Variants in PDK1 observed in about 807,000 individuals in gnomAD.
PDK1 encodes pyruvate dehydrogenase kinase 1.
PDK1 carries 39 observed loss-of-function variants against 54.2 expected under a neutral mutation model. The observed-to-expected ratio is 0.72, with a 90% CI of 0.56 to 0.94. PDK1 has a LOEUF of 0.94. PDK1 is among the 40% of genes least tolerant of loss of function. PDK1 has a pLI of 0.00. For missense variants in PDK1, 552 were observed against 566.0 expected (o/e 0.98, Z 0.25); for synonymous variants, 221 against 207.1 (o/e 1.07, Z -0.58).
At chr2:172,620,710 C>T in the PDK1 span, among the ~76,000 whole-genome samples, 6 of 152,210 alleles carry the variant, frequency 3.9e-5, no homozygotes, top group South Asian at 2.1e-4. Flanking sequence ...CGCAAGATCT[C>T]GTCATTTAAA....
At chr2:172,622,780 C>A in the PDK1 span, among the ~76,000 whole-genome samples, 16 of 144,422 alleles carry the variant, frequency 1.1e-4, no homozygotes, top group African/African-American at 3.4e-4. Context: ...ATGTTTATAT[C>A]TCATATGTGA....
In PDK1 at chr2:172,587,501, G is replaced by A. The variant is rs149033998; in HGVS notation, c.1056+1113G>A. Among the ~76,000 whole-genome samples, 493 of 152,240 alleles carry A rather than the reference G, an allele frequency of 3.2e-3. 3 individuals are homozygous for A. Among genetic ancestry groups the A allele is most frequent in the African/African-American group, 0.011 (454 of 41,516 alleles). On this transcript the variant is annotated intron_variant, in intron 9 of 10. Transcript: ENST00000282077. The stretch of plus-strand genomic sequence containing the variant: ...TTCTTCTGGGTGGGTTCGTGGTCTC[G>A]GTGGCTTCAGGAGTGAAGCTGCAGA...
At chr2:172,615,069 G>C in the PDK1 span, among the ~76,000 whole-genome samples, 47,583 of 151,930 alleles carry the variant, frequency 0.31, 8,492 homozygotes, top group African/African-American at 0.5. Context: ...GCTCCTGTGT[G>C]GGTGGAGTGG....
At chr2:172,610,373 A>G (rs2149330049), downstream of PDK1, among the ~76,000 whole-genome samples, 1 of 152,180 alleles carries the variant, frequency 6.6e-6, no homozygotes. Context: ...AGCTCTGAGC[A>G]TGGGCACACC....
chr2:172,649,442 T>C, the PDK1 span, among the ~76,000 whole-genome samples: 286 of 152,228 alleles, frequency 1.9e-3, 2 homozygotes, highest in Non-Finnish European at 3.3e-3. Context: ...CAAAAGAACA[T>C]AGCTTCTCAC....
chr2:172,674,567 C>CGAG, the PDK1 span: 1 of 152,328 alleles, frequency 6.6e-6, no homozygotes, highest in East Asian at 1.9e-4. Flanking sequence ...CAATTGTGTC[C>CGAG]GCCTCCTCCT....
the PDK1 span, among the ~76,000 whole-genome samples, chr2:172,703,404 C>A: frequency 6.6e-6 from 1 of 152,232 alleles, no homozygotes; most frequent in East Asian, 1.9e-4. Flanking sequence ...AGAAAACATA[C>A]CTAGATTGTT....
At chr2:172,684,110 T>A in the PDK1 span, among the ~76,000 whole-genome samples, 1 of 152,220 alleles carries the variant, frequency 6.6e-6, no homozygotes, top group African/African-American at 2.4e-5. Flanking sequence ...GCAATGGTGA[T>A]AATCATTTCT....
chr2:172,693,087 C>T, the PDK1 span, among the ~76,000 whole-genome samples: 1 of 152,254 alleles, frequency 6.6e-6, no homozygotes, highest in Non-Finnish European at 1.5e-5. Flanking sequence ...TCCTGGAGGA[C>T]CAGCTCACCC....
the PDK1 span, among the ~76,000 whole-genome samples, chr2:172,621,595 TGA>T: frequency 5.4e-3 from 797 of 147,634 alleles, 11 homozygotes; most frequent in African/African-American, 0.018. Context: ...TGTTTATATA[TGA>T]TATATGTTTA....
chr2:172,638,103 G>T, the PDK1 span, among the ~76,000 whole-genome samples: 7 of 152,064 alleles, frequency 4.6e-5, no homozygotes, highest in Admixed American at 2.0e-4. Context: ...TTGCTACTTG[G>T]ATAGAAACAG....
chr2:172,621,052 G>A, the PDK1 span, among the ~76,000 whole-genome samples: 1 of 152,220 alleles, frequency 6.6e-6, no homozygotes, highest in Non-Finnish European at 1.5e-5. Flanking sequence ...AGCCAAGGCA[G>A]ACGGATCACT....
chr2:172,646,735 C>CTTTTTTTTTTTTTTTTT, the PDK1 span, among the ~76,000 whole-genome samples: 124 of 72,040 alleles, frequency 1.7e-3, 18 homozygotes, highest in African/African-American at 2.8e-3. Flanking sequence ...CTTGCATTTC[C>CTTTTTTTTTTTTTTTTT]TTTTTTTTTT....
the PDK1 span, among the ~76,000 whole-genome samples, chr2:172,626,812 AT>A: frequency 6.6e-6 from 1 of 152,184 alleles, no homozygotes; most frequent in Non-Finnish European, 1.5e-5. Flanking sequence ...GGGATAGATC[AT>A]TAATTTATTT....
At chr2:172,640,183 T>G in the PDK1 span, among the ~76,000 whole-genome samples, 1 of 152,244 alleles carries the variant, frequency 6.6e-6, no homozygotes, top group Non-Finnish European at 1.5e-5. Flanking sequence ...TCCTGTTTGA[T>G]TTTCCCCTTG....
chr2:172,670,659 T>A, the PDK1 span, among the ~76,000 whole-genome samples: 6 of 152,336 alleles, frequency 3.9e-5, no homozygotes, highest in East Asian at 1.2e-3. Context: ...TTTTCTTAAA[T>A]GTCTTAAACA....
At chr2:172,578,446 A>G (rs1277543533) in intron 8 of PDK1, among the ~76,000 whole-genome samples, 7 of 152,058 alleles carry the variant, frequency 4.6e-5, no homozygotes, top group Non-Finnish European at 1.0e-4. Context: ...CTAAATGTTG[A>G]TGCATATCAT....
the PDK1 span, among the ~76,000 whole-genome samples, chr2:172,637,985 G>A: frequency 6.6e-6 from 1 of 152,132 alleles, no homozygotes; most frequent in South Asian, 2.1e-4. Context: ...GTGAGCCACT[G>A]CACCCAGCCT....
rs746829146 is a variant in PDK1 at position 172,566,857 on chromosome 2, T to C, written c.693T>C (p.Asp231=). 6.2e-7 allele frequency: 1 copy of C among 1,602,082 alleles called. No individual in the cohort carries two copies. The highest frequency in any genetic ancestry group is 1.7e-5 in the Admixed American group (1 of 59,718). Residue 231 remains aspartate, a splice_region_variant and synonymous_variant, in exon 6 of 11, where the codon GAT becomes GAC. Coordinates refer to ENST00000282077, the MANE Select transcript of PDK1 (RefSeq NM_002610.5). ...TTGTTTTGTTTTGATTCACACTAGA[T>C]GGCTATGAAAATGCTAGGCGTCTGT... The part of the protein sequence containing the change: ...PNCNVLEVIK[D]GYENARRLCD...
Sources: gnomAD v4.1 joint callset for allele counts (sites outside exome capture counted in the v4.1 genomes callset) on GRCh38, gnomAD v4.1.1 for gene constraint, MANE v1.5 for transcripts, NCBI Gene and HGNC (gene_info 2026-07-23, HGNC 2026-07-21) for gene names.